The following FOXJ3 variants were observed in gnomAD, a reference collection of about 807,000 sequenced individuals.
The protein encoded by FOXJ3 is forkhead box J3.
Under a neutral mutation model 76.1 loss-of-function variants are expected in FOXJ3, and 22 were observed. The observed-to-expected ratio is 0.29, with a 90% CI of 0.21 to 0.41. The LOEUF (loss-of-function observed/expected upper bound fraction) is 0.41, where lower values mean the gene tolerates loss of function less well. Ranked by LOEUF, FOXJ3 falls within the 10% of genes least tolerant of loss-of-function variation. The pLI, the probability that FOXJ3 is intolerant of heterozygous loss-of-function variation, is 1.00. For synonymous variants in FOXJ3, 269 were observed against 261.2 expected (o/e 1.03, Z -0.29); for missense variants, 613 against 762.1 (o/e 0.80, Z 2.30).
chr1:42,324,048 T>C (rs1352259443), intron 1 of FOXJ3, among the ~76,000 whole-genome samples: 1 of 144,912 alleles, frequency 6.9e-6, no homozygotes, highest in African/African-American at 2.6e-5. Context: ...CTATATATAG[T>C]ATATACACTG....
intron 3 of FOXJ3, among the ~76,000 whole-genome samples, chr1:42,268,419 T>C (rs1651631561): frequency 6.6e-6 from 1 of 151,780 alleles, no homozygotes; most frequent in Admixed American, 6.6e-5. Context: ...ACTGACACTG[T>C]TATAAGGAAG....
chr1:42,222,186 G>A (rs566120733), intron 5 of FOXJ3, among the ~76,000 whole-genome samples: 15 of 151,436 alleles, frequency 9.9e-5, no homozygotes, highest in South Asian at 8.4e-4. Context: ...CCTGTCTTGC[G>A]CTTTGAGGGC....
intron 5 of FOXJ3, among the ~76,000 whole-genome samples, chr1:42,226,996 A>G (rs1298759853): frequency 6.6e-6 from 1 of 152,258 alleles, no homozygotes; most frequent in African/African-American, 2.4e-5. Context: ...ACTAGTATCT[A>G]TTATAAGCTG....
chr1:42,311,190 A>G, intron 1 of FOXJ3, 80 bp from the exon 2 acceptor site: 1 of 895,040 alleles, frequency 1.1e-6, no homozygotes, highest in Non-Finnish European at 1.7e-6. Context: ...TTAATTTAAA[A>G]CACTCTGAAA....
chr1:42,259,752 G>C (rs1251348918), intron 4 of FOXJ3, among the ~76,000 whole-genome samples: 1 of 152,066 alleles, frequency 6.6e-6, no homozygotes, highest in African/African-American at 2.4e-5. Flanking sequence ...TTCACTCTTG[G>C]ATCTCACGTT....
chr1:42,259,309 G>A (rs879527303), intron 4 of FOXJ3, among the ~76,000 whole-genome samples: 2 of 152,084 alleles, frequency 1.3e-5, no homozygotes, highest in East Asian at 3.9e-4. Context: ...TTACAGTGAT[G>A]GTTACGCTGT....
At chr1:42,223,012 T>C (rs1291994887) in intron 5 of FOXJ3, among the ~76,000 whole-genome samples, 4 of 152,208 alleles carry the variant, frequency 2.6e-5, no homozygotes, top group Non-Finnish European at 5.9e-5. Context: ...TTATCTTTCT[T>C]AAAATACCTT....
intron 2 of FOXJ3, among the ~76,000 whole-genome samples, chr1:42,289,706 C>T (rs1400327133): frequency 6.6e-6 from 1 of 152,154 alleles, no homozygotes; most frequent in Non-Finnish European, 1.5e-5. Context: ...CGCAATCTGA[C>T]ACAAGCTATT....
intron 8 of FOXJ3, among the ~76,000 whole-genome samples, chr1:42,194,669 G>C (rs1463096592): frequency 6.6e-6 from 1 of 152,134 alleles, no homozygotes; most frequent in African/African-American, 2.4e-5. Flanking sequence ...GATGCCACTA[G>C]TAAACAAGTA....
intron 3 of FOXJ3, among the ~76,000 whole-genome samples, chr1:42,268,395 A>T (rs891019866): frequency 6.6e-6 from 1 of 152,136 alleles, no homozygotes; most frequent in African/African-American, 2.4e-5. Context: ...AGCTGAAAAA[A>T]TTCATTTCGG....
intron 11 of FOXJ3, among the ~76,000 whole-genome samples, chr1:42,186,297 T>C (rs578133440): frequency 6.6e-6 from 1 of 152,114 alleles, no homozygotes. Context: ...GATGAATACT[T>C]GGAGCACCAT....
At chr1:42,240,110 T>C (rs954798142) in intron 4 of FOXJ3, among the ~76,000 whole-genome samples, 8 of 152,190 alleles carry the variant, frequency 5.3e-5, no homozygotes, top group African/African-American at 7.2e-5. Context: ...AGGTCAGATA[T>C]TGGAGGAGGG....
chr1:42,263,442 T>C (rs1001515032), intron 4 of FOXJ3, among the ~76,000 whole-genome samples: 15 of 152,314 alleles, frequency 9.8e-5, no homozygotes, highest in South Asian at 8.3e-4. Context: ...TATATACTCA[T>C]TGCCTATAGG....
At position 42,270,915 on chromosome 1, in the gene FOXJ3, A is replaced by C. The variant is rs544423459; in HGVS notation, c.370-5726T>G. The stretch of plus-strand genomic sequence containing the variant: ...CAATCCAACCAACTGCTACATTCTT[A>C]TCCATTCTTTCTTCTGTGAGTCCTG... On this transcript the variant is annotated intron_variant, in intron 3 of 12. Coordinates refer to ENST00000361346, the MANE Select transcript of FOXJ3 (RefSeq NM_014947.5). Among the ~76,000 whole-genome samples, 5 of 152,292 alleles carry C rather than the reference A, an allele frequency of 3.3e-5. 1 individual carries two copies. In the South Asian group the frequency reaches 1.0e-3, roughly 32 times the overall value.
At chr1:42,267,836 A>C (rs980957887) in intron 3 of FOXJ3, among the ~76,000 whole-genome samples, 2 of 152,086 alleles carry the variant, frequency 1.3e-5, no homozygotes, top group East Asian at 3.8e-4. Flanking sequence ...AAGATTTTTA[A>C]AATTCCTCAG....
intron 4 of FOXJ3, among the ~76,000 whole-genome samples, chr1:42,240,405 A>G (rs1478375276): frequency 2.0e-5 from 3 of 152,222 alleles, no homozygotes; most frequent in Non-Finnish European, 4.4e-5. Context: ...AGAATAGCCA[A>G]AATAATCTTG....
intron 9 of FOXJ3, among the ~76,000 whole-genome samples, chr1:42,190,875 T>C (rs1301991843): frequency 6.6e-6 from 1 of 152,238 alleles, no homozygotes; most frequent in African/African-American, 2.4e-5. Flanking sequence ...TTAGTTCTTT[T>C]AGAATAACTG....
At chr1:42,315,373 G>A (rs548544211) in intron 1 of FOXJ3, 3 of 972,704 alleles carry the variant, frequency 3.1e-6, no homozygotes, top group African/African-American at 3.5e-5. Context: ...TTTTTTAAAG[G>A]TACTGTCTTG....
intron 1 of FOXJ3, among the ~76,000 whole-genome samples, chr1:42,332,581 C>G (rs1656226239): frequency 6.6e-6 from 1 of 152,144 alleles, no homozygotes; most frequent in Non-Finnish European, 1.5e-5. Flanking sequence ...TCAGCTGAAA[C>G]AAAAACCTTC....
Sources: allele counts gnomAD v4.1 joint callset (sites outside exome capture counted in the v4.1 genomes callset), GRCh38; gene constraint gnomAD v4.1.1; transcripts MANE v1.5; gene names NCBI Gene and HGNC (gene_info 2026-07-23, HGNC 2026-07-21).